The following SLC16A12 variants were observed in gnomAD, a reference collection of about 807,000 sequenced individuals.
SLC16A12 encodes the protein monocarboxylate transporter 12.
Under a neutral mutation model 42.4 loss-of-function variants are expected in SLC16A12, and 17 were observed. That is an observed-to-expected ratio of 0.40 (90% CI 0.27 to 0.60). The LOEUF (loss-of-function observed/expected upper bound fraction) is 0.60. Among genes scored for constraint, SLC16A12 ranks in the 20% least tolerant of loss-of-function variants. The probability of loss-of-function intolerance (pLI) is 0.42; values close to 1 mark genes in which losing one functional copy is unlikely to be tolerated. For synonymous variants in SLC16A12, 224 were observed against 229.4 expected (o/e 0.98, Z 0.21); for missense variants, 544 against 623.0 (o/e 0.87, Z 1.35).
chr10:89,490,394 A>G (rs1419288264), intron 2 of SLC16A12, among the ~76,000 whole-genome samples: 1 of 152,204 alleles, frequency 6.6e-6, no homozygotes, highest in Non-Finnish European at 1.5e-5. Flanking sequence ...CGGTCTCACA[A>G]GACTGCCCCA....
At chr10:89,555,342 A>G (rs1323926511) in intron 2 of SLC16A12, among the ~76,000 whole-genome samples, 2 of 151,718 alleles carry the variant, frequency 1.3e-5, no homozygotes, top group Non-Finnish European at 2.9e-5. Flanking sequence ...CCCAATAGAC[A>G]GGGATAATGA....
intron 2 of SLC16A12, among the ~76,000 whole-genome samples, chr10:89,543,585 T>A (rs1265174829): frequency 6.6e-6 from 1 of 152,186 alleles, no homozygotes; most frequent in Non-Finnish European, 1.5e-5. Flanking sequence ...ACCCAGCACT[T>A]TGGCAGGCCA....
At chr10:89,455,383 A>T (rs1842172784) in intron 3 of SLC16A12, among the ~76,000 whole-genome samples, 1 of 152,066 alleles carries the variant, frequency 6.6e-6, no homozygotes, top group Non-Finnish European at 1.5e-5. Context: ...TTCTTAGATG[A>T]CTTAATCAGT....
At position 89,438,795 on chromosome 10, in the gene SLC16A12, G is replaced by C; in HGVS notation, c.837C>G (p.Leu279=). 1 of 1,614,142 alleles carries C rather than the reference G, an allele frequency of 6.2e-7. No individual in the cohort carries two copies. The highest frequency in any genetic ancestry group is 8.5e-7 in the Non-Finnish European group (1 of 1,180,026). The change falls in exon 6 of 8, where the codon CTC becomes CTG. Residue 279 remains leucine, a synonymous_variant. Coordinates refer to ENST00000371790, the MANE Select transcript of SLC16A12 (RefSeq NM_213606.4). ...CCLQQEYSFL[L]MSDFVVLAVS... ...CGGCTAACACAACAAAGTCTGACATGAGTAAAAAACTGTACTCTTGCTGCA... is the reference window on the plus strand; with the variant it reads ...CGGCTAACACAACAAAGTCTGACATCAGTAAAAAACTGTACTCTTGCTGCA...
chr10:89,504,387 C>A (rs1334555020), intron 2 of SLC16A12, among the ~76,000 whole-genome samples: 1 of 152,190 alleles, frequency 6.6e-6, no homozygotes, highest in East Asian at 1.9e-4. Flanking sequence ...CCCTAAAACA[C>A]AAACATACTT....
At chr10:89,481,664 T>TGTGTGTGTGTGA (rs559651910) in intron 2 of SLC16A12, among the ~76,000 whole-genome samples, 3 of 139,570 alleles carry the variant, frequency 2.1e-5, no homozygotes, top group African/African-American at 8.0e-5. Flanking sequence ...TGTGTGTGTG[T>TGTGTGTGTGTGA]GAGAGAGAGA....
At chr10:89,485,063 C>T (rs2133794221) in intron 2 of SLC16A12, among the ~76,000 whole-genome samples, 1 of 152,298 alleles carries the variant, frequency 6.6e-6, no homozygotes, top group African/African-American at 2.4e-5. Flanking sequence ...CCACCTTCTG[C>T]CTGTATATAG....
chr10:89,464,134 A>G (rs2133751366), intron 2 of SLC16A12, among the ~76,000 whole-genome samples: 1 of 152,324 alleles, frequency 6.6e-6, no homozygotes, highest in South Asian at 2.1e-4. Flanking sequence ...CAGCCTGTAG[A>G]TGCCAAGGGC....
At chr10:89,486,267 T>C (rs1391324711) in intron 2 of SLC16A12, among the ~76,000 whole-genome samples, 2 of 151,836 alleles carry the variant, frequency 1.3e-5, no homozygotes, top group Non-Finnish European at 1.5e-5. Context: ...TATTTTCTTA[T>C]CTAAAAAAAG....
At chr10:89,465,091 T>C (rs1490656534) in intron 2 of SLC16A12, among the ~76,000 whole-genome samples, 3 of 152,184 alleles carry the variant, frequency 2.0e-5, no homozygotes, top group Non-Finnish European at 2.9e-5. Context: ...AACAGTGATA[T>C]AGAGCTGCTA....
chr10:89,489,159 A>G (rs1842809874), intron 2 of SLC16A12, among the ~76,000 whole-genome samples: 1 of 152,170 alleles, frequency 6.6e-6, no homozygotes, highest in Non-Finnish European at 1.5e-5. Flanking sequence ...TCATAGACAT[A>G]TTAATGCTAT....
At chr10:89,516,773 A>G (rs1843258787) in intron 2 of SLC16A12, among the ~76,000 whole-genome samples, 1 of 152,160 alleles carries the variant, frequency 6.6e-6, no homozygotes, top group African/African-American at 2.4e-5. Flanking sequence ...TCTTTTTTGG[A>G]CTAACGTTCT....
chr10:89,458,571 G>A (rs1045172043), intron 3 of SLC16A12, among the ~76,000 whole-genome samples: 8 of 152,120 alleles, frequency 5.3e-5, no homozygotes, highest in African/African-American at 1.7e-4. Context: ...GGTATTTCTG[G>A]AGTGAACTGA....
At position 89,457,390 on chromosome 10, in the gene SLC16A12, C is replaced by T. The variant is rs535981466; in HGVS notation, c.200+4989G>A. Among the ~76,000 whole-genome samples the T allele has an allele frequency of 5.3e-4, 81 of 152,276 alleles. 4 individuals are homozygous for T. In the South Asian group the frequency reaches 0.016, roughly 30 times the overall value. On this transcript the variant is annotated intron_variant, in intron 3 of 7. Coordinates refer to ENST00000371790, the MANE Select transcript of SLC16A12 (RefSeq NM_213606.4). Reference sequence around the variant, plus strand: ...AACATATGAAAAAAGCTCAACATCACTGATCATTAGAAAAATGCAAATCAA... The same window carrying T: ...AACATATGAAAAAAGCTCAACATCATTGATCATTAGAAAAATGCAAATCAA...
chr10:89,481,780 G>A (rs1364550329), intron 2 of SLC16A12, among the ~76,000 whole-genome samples: 4 of 151,752 alleles, frequency 2.6e-5, no homozygotes, highest in Admixed American at 2.6e-4. Context: ...ACAAAGTGAT[G>A]CAACATTTGA....
chr10:89,547,152 T>G (rs2133888144), intron 2 of SLC16A12, among the ~76,000 whole-genome samples: 1 of 152,304 alleles, frequency 6.6e-6, no homozygotes, highest in East Asian at 1.9e-4. Context: ...TCCCCATTTT[T>G]TTTAGAAGAA....
intron 2 of SLC16A12, among the ~76,000 whole-genome samples, chr10:89,464,775 AGT>A (rs1842364860): frequency 6.6e-6 from 1 of 152,206 alleles, no homozygotes. Flanking sequence ...GAGCAGGGGT[AGT>A]GAGGCCAAGG....
intron 2 of SLC16A12, among the ~76,000 whole-genome samples, chr10:89,546,340 GA>G (rs1442645639): frequency 1.3e-5 from 2 of 151,220 alleles, no homozygotes; most frequent in East Asian, 1.9e-4. Flanking sequence ...AAGTTTACAA[GA>G]AAAAAAACAA....
intron 2 of SLC16A12, among the ~76,000 whole-genome samples, chr10:89,549,436 A>G (rs1843758331): frequency 6.6e-6 from 1 of 152,380 alleles, no homozygotes; most frequent in South Asian, 2.1e-4. Context: ...ATGCTGTAGT[A>G]AGATTATTAA....
Sources: gnomAD v4.1 joint callset for allele counts (sites outside exome capture counted in the v4.1 genomes callset) on GRCh38, gnomAD v4.1.1 for gene constraint, MANE v1.5 for transcripts, NCBI Gene and HGNC (gene_info 2026-07-23, HGNC 2026-07-21) for gene names.